AGO2: variants seen among roughly 807,000 people sequenced by gnomAD.
AGO2 encodes the protein argonaute RISC catalytic component 2.
Under a neutral mutation model 102.3 loss-of-function variants are expected in AGO2, and 5 were observed. That is an observed-to-expected ratio of 0.05 (90% CI 0.03 to 0.10). AGO2 has a LOEUF of 0.10. Among genes scored for constraint, AGO2 ranks in the 10% least tolerant of loss-of-function variants. AGO2 has a pLI of 1.00. For synonymous variants in AGO2, 449 were observed against 473.1 expected (o/e 0.95, Z 0.66); for missense variants, 541 against 1,183.7 (o/e 0.46, Z 7.97).
intron 1 of AGO2, among the ~76,000 whole-genome samples, chr8:140,630,622 G>A (rs897011251): frequency 3.9e-5 from 6 of 152,200 alleles, no homozygotes; most frequent in Non-Finnish European, 7.3e-5. Flanking sequence ...GGCCACAAAC[G>A]ATAAGGGCAG....
chr8:140,577,133 G>A (rs1046504439), intron 2 of AGO2, among the ~76,000 whole-genome samples: 41 of 151,112 alleles, frequency 2.7e-4, no homozygotes, highest in African/African-American at 7.8e-4. Context: ...GCGTGAACCC[G>A]GGAGGCGGAG....
intron 1 of AGO2, among the ~76,000 whole-genome samples, chr8:140,606,662 C>T (rs561261403): frequency 1.7e-4 from 26 of 152,162 alleles, no homozygotes; most frequent in Non-Finnish European, 3.2e-4. Flanking sequence ...ATTGGCTGGG[C>T]GCGGTGGCTC....
intron 1 of AGO2, among the ~76,000 whole-genome samples, chr8:140,631,086 T>C (rs1201136562): frequency 6.6e-6 from 1 of 152,012 alleles, no homozygotes; most frequent in African/African-American, 2.4e-5. Flanking sequence ...ACCACTTAAA[T>C]GTGTCAGAAT....
chr8:140,619,942 G>A (rs992614635), intron 1 of AGO2, among the ~76,000 whole-genome samples: 9 of 152,310 alleles, frequency 5.9e-5, no homozygotes, highest in Non-Finnish European at 1.0e-4. Context: ...TAGTGTGGAC[G>A]CGTGTGTCTC....
chr8:140,561,286 T>C (rs1443153212), intron 4 of AGO2, among the ~76,000 whole-genome samples: 1 of 152,250 alleles, frequency 6.6e-6, no homozygotes, highest in Non-Finnish European at 1.5e-5. Context: ...GCTCCCTACT[T>C]GTGGGCTGCG....
intron 1 of AGO2, among the ~76,000 whole-genome samples, chr8:140,587,109 T>C (rs13248379): frequency 0.014 from 2,137 of 152,128 alleles, 27 homozygotes; most frequent in South Asian, 0.036. Flanking sequence ...CAGACGCAGC[T>C]CGAGCCCAGG....
Position 140,609,937 on chromosome 8 carries a change from T to C in AGO2, c.23-24626A>G, listed in dbSNP as rs533641033. Among the ~76,000 whole-genome samples the C allele has an allele frequency of 2.2e-3, 323 of 148,002 alleles. 3 individuals carry two copies. The highest frequency in any genetic ancestry group is 3.7e-3 in the Non-Finnish European group (249 of 67,566). On this transcript the variant is annotated intron_variant, in intron 1 of 18. Transcript: ENST00000220592. Reference sequence around the variant, plus strand: ...GACCAGGCATGGGGGCTCACACCTATAATCCCAGCACGGTGGGAGCCCAAG... The same window carrying C: ...GACCAGGCATGGGGGCTCACACCTACAATCCCAGCACGGTGGGAGCCCAAG...
intron 1 of AGO2, among the ~76,000 whole-genome samples, chr8:140,606,828 T>A (rs971764453): frequency 6.6e-6 from 1 of 150,828 alleles, no homozygotes; most frequent in Non-Finnish European, 1.5e-5. Context: ...TCCTAGCTCC[T>A]TGGGAGGCTG....
At chr8:140,586,272 T>C (rs1442165797) in intron 1 of AGO2, among the ~76,000 whole-genome samples, 1 of 152,136 alleles carries the variant, frequency 6.6e-6, no homozygotes, top group Non-Finnish European at 1.5e-5. Context: ...GCGGGTAGAT[T>C]ACCTGAGGTC....
chr8:140,594,917 G>C (rs558971706), intron 1 of AGO2, among the ~76,000 whole-genome samples: 2 of 151,246 alleles, frequency 1.3e-5, no homozygotes, highest in South Asian at 2.1e-4. Context: ...CAAACCTAAA[G>C]GTATAAACGT....
rs61672557 is a variant in AGO2, at chr8:140,551,052, G to A, written c.1403+251C>T. Among the ~76,000 whole-genome samples, 747 of 152,206 alleles carry A rather than the reference G, an allele frequency of 4.9e-3. 9 individuals carry two copies. The highest frequency in any genetic ancestry group is 0.017 in the African/African-American group (710 of 41,526). ...TCAGATCCTGTTTGGTTTTGTCTAC[G>A]GTCTGCGTTACTTCTCCATGCTCAC... On this transcript the variant is annotated intron_variant, in intron 11 of 18. Transcript: ENST00000220592.
At chr8:140,635,789 CGCGGCGGCG>C (rs528099474), upstream of AGO2, among the ~76,000 whole-genome samples, 3 of 129,580 alleles carry the variant, frequency 2.3e-5, no homozygotes, top group Admixed American at 2.3e-4. Context: ...GGGCGGGGTC[CGCGGCGGCG>C]GCGGCGGCGG....
intron 1 of AGO2, among the ~76,000 whole-genome samples, chr8:140,620,967 G>A (rs1396635902): frequency 6.6e-6 from 1 of 152,164 alleles, no homozygotes; most frequent in Non-Finnish European, 1.5e-5. Flanking sequence ...AGGCTGGAGT[G>A]CAATGGCATG....
At chr8:140,591,922 C>T (rs1477031506) in intron 1 of AGO2, 5 of 152,014 alleles carry the variant, frequency 3.3e-5, no homozygotes, top group Admixed American at 1.3e-4. Flanking sequence ...GAGTTCAAGG[C>T]CAACCTGACC....
intron 1 of AGO2, among the ~76,000 whole-genome samples, chr8:140,629,457 G>T (rs1457986316): frequency 6.6e-6 from 1 of 152,182 alleles, no homozygotes; most frequent in Non-Finnish European, 1.5e-5. Flanking sequence ...CTTAACAGGC[G>T]AGAAAACTGA....
chr8:140,546,336 C>T lies in AGO2; in HGVS notation c.1748+1132G>A, dbSNP rs537262138. ...AACCTGGTCCCCCATGTGGCAGCAT[C>T]GGCACTGTGTCCGTCCACTTGCTAG... is the stretch of plus-strand genomic sequence containing the variant. On this transcript the variant is annotated intron_variant, in intron 13 of 18. Transcript: ENST00000220592. Among the ~76,000 whole-genome samples, 168 of 152,316 alleles carry T rather than the reference C, an allele frequency of 1.1e-3. 1 individual carries two copies. The highest frequency in any genetic ancestry group is 3.8e-3 in the African/African-American group (156 of 41,566).
At position 140,523,422 on chromosome 8, in the gene AGO2, T is replaced by C. The variant is rs2072447931; in HGVS notation, c.*8622A>G. The C allele has an allele frequency of 6.6e-6, 1 of 152,230 alleles. No homozygotes were observed. Among genetic ancestry groups the C allele is most frequent in the East Asian group, 1.9e-4 (1 of 5,188 alleles). 9.4% of individuals were successfully genotyped at this position (152,230 alleles called of 1,614,324 possible). A position where few individuals can be genotyped will look rare whatever the true frequency, so the allele number is the denominator to read the frequency against. ...TAAAAATAAAATAAAACTAGAAAAA[T>C]TGATAAAACTAAGGGTTAAAAGCCC... On this transcript the variant is annotated 3_prime_UTR_variant, in exon 19 of 19. Coordinates refer to ENST00000220592, the MANE Select transcript of AGO2 (RefSeq NM_012154.5).
At chr8:140,576,980 G>A (rs2073474857) in intron 2 of AGO2, among the ~76,000 whole-genome samples, 1 of 152,116 alleles carries the variant, frequency 6.6e-6, no homozygotes. Context: ...GGCCGAAGCA[G>A]GTGGATCACG....
intron 1 of AGO2, among the ~76,000 whole-genome samples, chr8:140,610,034 A>G (rs1457865583): frequency 1.2e-4 from 1 of 8,366 alleles, no homozygotes; most frequent in Non-Finnish European, 3.4e-4. Flanking sequence ...ACTCTAAAAA[A>G]AAAAAAAAAA....
Sources: allele counts gnomAD v4.1 joint callset (sites outside exome capture counted in the v4.1 genomes callset), GRCh38; gene constraint gnomAD v4.1.1; transcripts MANE v1.5; gene names NCBI Gene and HGNC (gene_info 2026-07-23, HGNC 2026-07-21).